The following EPHA6 variants were observed in gnomAD, a reference collection of about 807,000 sequenced individuals.
EPHA6 encodes ephrin type-A receptor 6.
EPHA6 carries 50 observed loss-of-function variants against 112.0 expected under a neutral mutation model. The ratio of observed to expected loss-of-function variants is 0.45; its 90% CI spans 0.36 to 0.56. EPHA6 has a LOEUF of 0.56. Among genes scored for constraint, EPHA6 ranks in the 20% least tolerant of loss-of-function variants. EPHA6 has a pLI of 0.00. For synonymous variants in EPHA6, 529 were observed against 490.7 expected (o/e 1.08, Z -1.03); for missense variants, 1,280 against 1,417.4 (o/e 0.90, Z 1.56).
intron 14 of EPHA6, among the ~76,000 whole-genome samples, chr3:97,681,643 A>T (rs987675674): frequency 3.3e-5 from 5 of 152,102 alleles, no homozygotes; most frequent in African/African-American, 1.2e-4. Context: ...ACTTATATAA[A>T]TGTATGTATG....
intron 3 of EPHA6, among the ~76,000 whole-genome samples, chr3:97,091,740 A>G (rs1049136028): frequency 3.9e-5 from 6 of 152,138 alleles, no homozygotes; most frequent in African/African-American, 1.4e-4. Context: ...AATGTTAGCT[A>G]TTTATTATTA....
intron 5 of EPHA6, among the ~76,000 whole-genome samples, chr3:97,311,487 G>C (rs2081560654): frequency 6.8e-6 from 1 of 147,456 alleles, no homozygotes; most frequent in Admixed American, 6.8e-5. Flanking sequence ...TTTGCTCTGG[G>C]TCAATATTTT....
intron 3 of EPHA6, among the ~76,000 whole-genome samples, chr3:97,171,778 A>G (rs1232249037): frequency 6.6e-6 from 1 of 152,122 alleles, no homozygotes; most frequent in Non-Finnish European, 1.5e-5. Flanking sequence ...AATTTGAAAA[A>G]AAGCCTATGT....
At chr3:97,581,104 T>C (rs1425193678) in intron 11 of EPHA6, among the ~76,000 whole-genome samples, 1 of 152,178 alleles carries the variant, frequency 6.6e-6, no homozygotes, top group African/African-American at 2.4e-5. Context: ...CTCAAGATCG[T>C]CTCTCTGTCT....
intron 14 of EPHA6, among the ~76,000 whole-genome samples, chr3:97,661,849 T>C (rs1322282989): frequency 6.6e-6 from 1 of 152,180 alleles, no homozygotes; most frequent in Non-Finnish European, 1.5e-5. Context: ...TTTCCTCTTA[T>C]GGATGTCCTG....
At chr3:97,641,644 C>CAG (rs1387504379) in intron 14 of EPHA6, among the ~76,000 whole-genome samples, 105 of 152,214 alleles carry the variant, frequency 6.9e-4, no homozygotes, top group Middle Eastern at 6.8e-3. Flanking sequence ...CGCAAGGGGT[C>CAG]GGAGTTCCCT....
intron 1 of EPHA6, among the ~76,000 whole-genome samples, chr3:96,845,618 T>C (rs1181183625): frequency 6.6e-6 from 1 of 152,052 alleles, no homozygotes; most frequent in Non-Finnish European, 1.5e-5. Context: ...ATTTTTAATC[T>C]TTACTTGCTA....
At chr3:97,328,052 C>CATATATATATATAT (rs1490094035) in intron 5 of EPHA6, among the ~76,000 whole-genome samples, 5 of 56,990 alleles carry the variant, frequency 8.8e-5, no homozygotes, top group Middle Eastern at 9.1e-3. Flanking sequence ...CACATATATA[C>CATATATATATATAT]ACATATATAT....
intron 2 of EPHA6, among the ~76,000 whole-genome samples, chr3:96,974,807 G>C (rs2042457379): frequency 6.6e-6 from 1 of 152,166 alleles, no homozygotes; most frequent in South Asian, 2.1e-4. Context: ...ATGCCAGGAG[G>C]AATGTCTTAA....
chr3:97,126,423 G>A (rs955015034), intron 3 of EPHA6, among the ~76,000 whole-genome samples: 7 of 152,080 alleles, frequency 4.6e-5, no homozygotes, highest in African/African-American at 7.2e-5. Context: ...AATCCAAAAA[G>A]CACGATGAAA....
chr3:96,865,694 C>CAAAAAAAAAAAAAA (rs57565102), intron 1 of EPHA6, among the ~76,000 whole-genome samples: 2 of 82,000 alleles, frequency 2.4e-5, no homozygotes, highest in Non-Finnish European at 5.3e-5. Flanking sequence ...AAAAAACAAA[C>CAAAAAAAAAAAAAA]AAAAAAAAAA....
chr3:96,846,115 A>C (rs903870223), intron 1 of EPHA6, among the ~76,000 whole-genome samples: 6 of 152,094 alleles, frequency 3.9e-5, no homozygotes, highest in South Asian at 2.1e-4. Flanking sequence ...AGGGAATAGA[A>C]AATATAAAAT....
At chr3:97,066,135 G>A (rs1005554420) in intron 3 of EPHA6, among the ~76,000 whole-genome samples, 1 of 151,936 alleles carries the variant, frequency 6.6e-6, no homozygotes, top group Non-Finnish European at 1.5e-5. Context: ...TAAAATCAAG[G>A]AGGGGGTACA....
Position 97,123,435 on chromosome 3 carries a change from T to A in EPHA6, c.1115-102829T>A, listed in dbSNP as rs1315346284. Among the ~76,000 whole-genome samples, 6 of 152,116 alleles carry A rather than the reference T, an allele frequency of 3.9e-5. No homozygotes were observed. The East Asian group carries it at 9.6e-4, about 24-fold the overall frequency. Reference sequence around the variant, plus strand: ...AATACTAGGATTATTGGCATCGACATCTGTCTTTCCCTTAAATTTAGGGAA... The same window carrying A: ...AATACTAGGATTATTGGCATCGACAACTGTCTTTCCCTTAAATTTAGGGAA... On this transcript the variant is annotated intron_variant, in intron 3 of 17. Transcript: ENST00000389672.
chr3:96,859,939 T>A (rs1197265467), intron 1 of EPHA6, among the ~76,000 whole-genome samples: 12 of 152,282 alleles, frequency 7.9e-5, no homozygotes, highest in Middle Eastern at 6.8e-3. Context: ...CATTTTAATC[T>A]GTTCTGCTAT....
chr3:97,117,681 T>G (rs578015187), intron 3 of EPHA6, among the ~76,000 whole-genome samples: 1 of 151,826 alleles, frequency 6.6e-6, no homozygotes, highest in South Asian at 2.1e-4. Context: ...TCTATATGTC[T>G]GTTTTAATAC....
chr3:97,479,970 T>A (rs1281370024), intron 9 of EPHA6, among the ~76,000 whole-genome samples: 1 of 152,128 alleles, frequency 6.6e-6, no homozygotes, highest in Non-Finnish European at 1.5e-5. Flanking sequence ...TGCAAACTAC[T>A]TCAGCAAGAC....
intron 3 of EPHA6, among the ~76,000 whole-genome samples, chr3:97,001,145 A>G (rs1457815218): frequency 6.6e-6 from 1 of 151,440 alleles, no homozygotes. Flanking sequence ...CTCTTTATAT[A>G]GAAATAAATA....
intron 11 of EPHA6, among the ~76,000 whole-genome samples, chr3:97,558,383 C>T (rs1577772810): frequency 1.3e-5 from 2 of 151,972 alleles, no homozygotes; most frequent in East Asian, 3.9e-4. Context: ...TCAGTTTCTA[C>T]CTAAAGAGTC....
Sources: allele counts gnomAD v4.1 joint callset (sites outside exome capture counted in the v4.1 genomes callset), GRCh38; gene constraint gnomAD v4.1.1; transcripts MANE v1.5; gene names NCBI Gene and HGNC (gene_info 2026-07-23, HGNC 2026-07-21).